ZBTB43: variants seen among roughly 807,000 people sequenced by gnomAD.
The protein encoded by ZBTB43 is zinc finger and BTB domain containing 43, also known as zinc finger and BTB domain-containing protein 43.
Under a neutral mutation model 31.1 loss-of-function variants are expected in ZBTB43, and 6 were observed. The observed-to-expected ratio is 0.19, with a 90% CI of 0.11 to 0.38. ZBTB43 has a LOEUF of 0.38. ZBTB43 is among the 10% of genes least tolerant of loss of function. ZBTB43 has a pLI of 1.00. For missense variants in ZBTB43, 379 were observed against 602.1 expected, an observed-to-expected ratio of 0.63 and a Z score of 3.88; for synonymous variants, 212 against 221.7, an observed-to-expected ratio of 0.96 and a Z score of 0.39.
In ZBTB43 at chr9:126,834,561, T is replaced by C. The variant is rs2032840589; in HGVS notation, c.*648T>C. 6.0e-6 allele frequency: 1 copy of C among 167,110 alleles called. No homozygotes were observed. 10.4% of individuals were successfully genotyped at this position (167,110 alleles called of 1,614,324 possible). A position where few individuals can be genotyped will look rare whatever the true frequency, so the allele number is the denominator to read the frequency against. On this transcript the variant is annotated 3_prime_UTR_variant, in exon 3 of 3. Transcript: ENST00000373464. The stretch of plus-strand genomic sequence containing the variant: ...AGTGCCCTTGTCAGTTTCTGTAAGA[T>C]GCCACTACTGTCACAAGGTGTTTCA...
rs772417848 is a variant in ZBTB43, at chr9:126,827,394, T to C, written c.-23-5093T>C. The stretch of plus-strand genomic sequence containing the variant: ...AAGGTCCTTCCTCCACCCCCTCCTC[T>C]TGTATGAGCCAGCTGCTGTGGGAAC... On this transcript the variant is annotated intron_variant, in intron 2 of 2. Transcript: ENST00000373464. Among the ~76,000 whole-genome samples the C allele has an allele frequency of 1.8e-4, 27 of 152,306 alleles. No homozygotes were observed. In the Middle Eastern group the frequency reaches 0.02, roughly 115 times the overall value.
chr9:126,813,953 T>C (rs968586254), intron 2 of ZBTB43, among the ~76,000 whole-genome samples: 1 of 152,216 alleles, frequency 6.6e-6, no homozygotes, highest in African/African-American at 2.4e-5. Context: ...AATTTATTGA[T>C]GTTCTCTGTA....
At chr9:126,813,451 G>A (rs1009150219) in intron 2 of ZBTB43, among the ~76,000 whole-genome samples, 2 of 152,058 alleles carry the variant, frequency 1.3e-5, no homozygotes, top group South Asian at 2.1e-4. Flanking sequence ...CGTCTCATTC[G>A]GCTTTTTCTA....
At position 126,837,430 on chromosome 9, in the gene ZBTB43, G is replaced by T. The variant is rs2032905555; in HGVS notation, c.*3517G>T. 1.2e-5 allele frequency: 2 copies of T among 167,138 alleles called. No homozygotes were observed. The highest frequency in any genetic ancestry group is 1.3e-4 in the Admixed American group (2 of 15,282). 10.4% of individuals were successfully genotyped at this position (167,138 alleles called of 1,614,324 possible). A position where few individuals can be genotyped will look rare whatever the true frequency, so the allele number is the denominator to read the frequency against. On this transcript the variant is annotated 3_prime_UTR_variant, in exon 3 of 3. Coordinates refer to ENST00000373464, the MANE Select transcript of ZBTB43 (RefSeq NM_014007.4). The stretch of plus-strand genomic sequence containing the variant: ...CGGGGAAAGCTGCTTAGCCTCCAGG[G>T]CTCCCTCCTTGAGAGGCTCACACAC...
chr9:126,819,683 G>A (rs1435841880), intron 2 of ZBTB43, among the ~76,000 whole-genome samples: 29 of 152,088 alleles, frequency 1.9e-4, no homozygotes, highest in Non-Finnish European at 1.5e-5. Context: ...TAAGTGAAAG[G>A]AGGAGTCATA....
chr9:126,824,770 G>T (rs1255687885), intron 2 of ZBTB43, among the ~76,000 whole-genome samples: 6 of 152,174 alleles, frequency 3.9e-5, no homozygotes, highest in African/African-American at 9.7e-5. Flanking sequence ...CCTAGAGTTT[G>T]TTGAGCTTCT....
chr9:126,817,016 A>G (rs1283728883), intron 2 of ZBTB43, among the ~76,000 whole-genome samples: 27 of 148,630 alleles, frequency 1.8e-4, no homozygotes, highest in Admixed American at 1.8e-3. Context: ...AAAGAGTGTT[A>G]CTGATCCCGT....
rs557176913 is a variant in ZBTB43, at chr9:126,813,765, TTTG to T, written c.-24+4857_-24+4859del. Among the ~76,000 whole-genome samples the T allele has an allele frequency of 1.4e-3, 211 of 152,322 alleles. 1 individual carries two copies. Among genetic ancestry groups the T allele is most frequent in the Middle Eastern group, 3.4e-3 (1 of 294 alleles). Reference sequence around the variant, plus strand: ...AGTGAGATTGGCTTGTAGGGTTTTTTTTGTTGTTGGCCAATTTTGATACCAGAG... The same window carrying T: ...AGTGAGATTGGCTTGTAGGGTTTTTTTTGTTGGCCAATTTTGATACCAGAG... On this transcript the variant is annotated intron_variant, in intron 2 of 2. Transcript: ENST00000373464.
chr9:126,819,408 G>A (rs1210945188), intron 2 of ZBTB43, among the ~76,000 whole-genome samples: 1 of 149,052 alleles, frequency 6.7e-6, no homozygotes, highest in Non-Finnish European at 1.5e-5. Context: ...GGCAGTTCTT[G>A]CAATATTTCA....
rs113116290 is a variant in ZBTB43, at chr9:126,820,912, A to G, written c.-23-11575A>G. ...GAGCCAGAGAGTCGAGGCTGCAGTG[A>G]GCCACAATCGCACCACTGCACTCCA... is the stretch of plus-strand genomic sequence containing the variant. On this transcript the variant is annotated intron_variant, in intron 2 of 2. Coordinates refer to ENST00000373464, the MANE Select transcript of ZBTB43 (RefSeq NM_014007.4). Among the ~76,000 whole-genome samples, 10 of 145,768 alleles carry G rather than the reference A, an allele frequency of 6.9e-5. 1 individual carries two copies. The highest frequency in any genetic ancestry group is 2.5e-4 in the African/African-American group (10 of 40,032).
chr9:126,829,960 T>C (rs1221079825), intron 2 of ZBTB43, among the ~76,000 whole-genome samples: 2 of 152,238 alleles, frequency 1.3e-5, no homozygotes, highest in Non-Finnish European at 2.9e-5. Flanking sequence ...TTTTAAGATG[T>C]ATAAAACGAT....
In ZBTB43 at chr9:126,835,723, T is replaced by C. The variant is rs1347287407; in HGVS notation, c.*1810T>C. 3 of 166,254 alleles carry C rather than the reference T, an allele frequency of 1.8e-5. No individual in the cohort carries two copies. The Admixed American group carries it at 2.0e-4, about 11-fold the overall frequency. 10.3% of individuals were successfully genotyped at this position (166,254 alleles called of 1,614,324 possible). A position where few individuals can be genotyped will look rare whatever the true frequency, so the allele number is the denominator to read the frequency against. ...TTTAAAACTTTATTATAAATATATA[T>C]ATATATTGTTTTTTTTTAAACCTAG... On this transcript the variant is annotated 3_prime_UTR_variant, in exon 3 of 3. Coordinates refer to ENST00000373464, the MANE Select transcript of ZBTB43 (RefSeq NM_014007.4).
chr9:126,824,837 T>G (rs1564204545), intron 2 of ZBTB43, among the ~76,000 whole-genome samples: 2 of 152,220 alleles, frequency 1.3e-5, no homozygotes, highest in East Asian at 3.8e-4. Context: ...CCATTATATA[T>G]TTCTTCAAAT....
At chr9:126,808,076 C>T (rs1161351134) in intron 1 of ZBTB43, among the ~76,000 whole-genome samples, 1 of 152,042 alleles carries the variant, frequency 6.6e-6, no homozygotes, top group Non-Finnish European at 1.5e-5. Context: ...CTGTTTCTGC[C>T]TTCTGCTTTC....
At position 126,815,943 on chromosome 9, in the gene ZBTB43, C is replaced by G. The variant is rs2900253; in HGVS notation, c.-24+7028C>G. Among the ~76,000 whole-genome samples the G allele has an allele frequency of 4.6e-3, 700 of 152,172 alleles. 6 individuals are homozygous for G. Among genetic ancestry groups the G allele is most frequent in the African/African-American group, 0.016 (676 of 41,528 alleles). ...TATGTAAATGTTCTCAAGTTTCATT[C>G]TGGAACATAATTAAGTTAGAAACAG... is the stretch of plus-strand genomic sequence containing the variant. On this transcript the variant is annotated intron_variant, in intron 2 of 2. Transcript: ENST00000373464.
At position 126,811,791 on chromosome 9, in the gene ZBTB43, A is replaced by G. The variant is rs570325489; in HGVS notation, c.-24+2876A>G. ...CAGGCACCCACCACCACACGCAGCTAATTTTTGTGTTTTTAGTAGAGACGG... is the reference window on the plus strand; with the variant it reads ...CAGGCACCCACCACCACACGCAGCTGATTTTTGTGTTTTTAGTAGAGACGG... On this transcript the variant is annotated intron_variant, in intron 2 of 2. Transcript: ENST00000373464. Among the ~76,000 whole-genome samples the G allele has an allele frequency of 2.6e-5, 4 of 152,000 alleles. No homozygotes were observed. The South Asian group carries it at 8.3e-4, about 32-fold the overall frequency.
intron 2 of ZBTB43, among the ~76,000 whole-genome samples, chr9:126,827,086 T>A (rs188934896): frequency 4.6e-5 from 7 of 152,348 alleles, no homozygotes; most frequent in African/African-American, 1.4e-4. Context: ...AGGTTAGTTA[T>A]CTGTTTGTAC....
chr9:126,826,100 A>G (rs908872443), intron 2 of ZBTB43, among the ~76,000 whole-genome samples: 1 of 138,660 alleles, frequency 7.2e-6, no homozygotes, highest in African/African-American at 2.7e-5. Flanking sequence ...TGCAACCTCC[A>G]CCTCCCGGGT....
intron 1 of ZBTB43, among the ~76,000 whole-genome samples, chr9:126,808,229 CAG>C (rs1439689248): frequency 6.6e-6 from 1 of 152,174 alleles, no homozygotes; most frequent in East Asian, 1.9e-4. Flanking sequence ...TTTTGAATCT[CAG>C]AGAGTTTGCT....
Sources: allele counts gnomAD v4.1 joint callset (sites outside exome capture counted in the v4.1 genomes callset), GRCh38; gene constraint gnomAD v4.1.1; transcripts MANE v1.5; gene names NCBI Gene and HGNC (gene_info 2026-07-23, HGNC 2026-07-21).